FOXO3: variants seen among roughly 807,000 people sequenced by gnomAD.
The protein encoded by FOXO3 is forkhead box O3, also known as forkhead box protein O3.
Under a neutral mutation model 41.9 loss-of-function variants are expected in FOXO3, and 4 were observed. The ratio of observed to expected loss-of-function variants is 0.10; its 90% CI spans 0.05 to 0.22. The LOEUF is 0.22. Among genes scored for constraint, FOXO3 ranks in the 10% least tolerant of loss-of-function variants. The probability of loss-of-function intolerance (pLI) is 1.00; values close to 1 mark genes in which losing one functional copy is unlikely to be tolerated. For missense variants in FOXO3, 534 were observed against 906.8 expected (o/e 0.59, Z 5.28); for synonymous variants, 318 against 389.3 (o/e 0.82, Z 2.16).
At chr6:108,639,246 T>C (rs1778192955) in intron 1 of FOXO3, among the ~76,000 whole-genome samples, 1 of 152,160 alleles carries the variant, frequency 6.6e-6, no homozygotes, top group Non-Finnish European at 1.5e-5. Context: ...TAAATCCTGC[T>C]TCCTTTCATA....
chr6:108,594,164 C>G (rs1002993184), intron 1 of FOXO3, among the ~76,000 whole-genome samples: 8 of 152,132 alleles, frequency 5.3e-5, no homozygotes, highest in African/African-American at 1.7e-4. Context: ...TTCCCTCCCC[C>G]AAAAGTTGTG....
intron 1 of FOXO3, among the ~76,000 whole-genome samples, chr6:108,652,888 T>C (rs1174082564): frequency 1.3e-5 from 2 of 152,162 alleles, no homozygotes; most frequent in Non-Finnish European, 2.9e-5. Flanking sequence ...GGGGGCCCCA[T>C]GGCATCCCAT....
At chr6:108,648,933 G>A (rs1778467446) in intron 1 of FOXO3, among the ~76,000 whole-genome samples, 1 of 151,042 alleles carries the variant, frequency 6.6e-6, no homozygotes, top group Admixed American at 6.6e-5. Context: ...GGAGCTCAAG[G>A]CTGCAGTGAA....
At chr6:108,640,819 A>G (rs1778237434) in intron 1 of FOXO3, among the ~76,000 whole-genome samples, 1 of 152,212 alleles carries the variant, frequency 6.6e-6, no homozygotes, top group Non-Finnish European at 1.5e-5. Flanking sequence ...ATTCATTCAT[A>G]GTTCATTCAA....
At chr6:108,612,225 T>G (rs1490203889) in intron 1 of FOXO3, among the ~76,000 whole-genome samples, 1 of 152,234 alleles carries the variant, frequency 6.6e-6, no homozygotes, top group Admixed American at 6.5e-5. Context: ...TTGTAAATGA[T>G]ATTTTAAAAA....
intron 1 of FOXO3, among the ~76,000 whole-genome samples, chr6:108,607,883 A>G (rs1777251406): frequency 6.6e-6 from 1 of 152,190 alleles, no homozygotes; most frequent in Non-Finnish European, 1.5e-5. Flanking sequence ...CCCCCTGCCT[A>G]AAGGAGATCC....
intron 1 of FOXO3, among the ~76,000 whole-genome samples, chr6:108,569,285 C>T (rs1290276084): frequency 6.6e-6 from 1 of 152,206 alleles, no homozygotes; most frequent in Non-Finnish European, 1.5e-5. Context: ...GATGATAGAA[C>T]ACCCCAGTTC....
At chr6:108,638,307 C>T (rs1248346145) in intron 1 of FOXO3, among the ~76,000 whole-genome samples, 1 of 152,210 alleles carries the variant, frequency 6.6e-6, no homozygotes, top group East Asian at 1.9e-4. Flanking sequence ...TTTTCATTTG[C>T]TATGCCTATC....
At chr6:108,565,325 T>C (rs1326012605) in intron 1 of FOXO3, among the ~76,000 whole-genome samples, 1 of 152,194 alleles carries the variant, frequency 6.6e-6, no homozygotes, top group Non-Finnish European at 1.5e-5. Context: ...ACAGGTTCCC[T>C]TACCTCGGGC....
At chr6:108,642,241 A>G (rs994998192) in intron 1 of FOXO3, among the ~76,000 whole-genome samples, 4 of 152,078 alleles carry the variant, frequency 2.6e-5, no homozygotes, top group African/African-American at 4.8e-5. Context: ...GGCACGCATT[A>G]TCATGCTTGG....
rs768497208 is a variant in FOXO3 at position 108,592,835 on chromosome 6, C to T, written c.621+31006C>T. The stretch of plus-strand genomic sequence containing the variant: ...TCTGAGAAGCCATTGGTTGGGAGGG[C>T]GCTAAGAATGGTTGGTGCACGTGGT... On this transcript the variant is annotated intron_variant, in intron 1 of 2. Transcript: ENST00000406360. 4.6e-5 allele frequency among the ~76,000 whole-genome samples: 7 copies of T among 152,086 alleles called. 1 individual carries two copies. The highest frequency in any genetic ancestry group is 1.7e-4 in the African/African-American group (7 of 41,404).
intron 1 of FOXO3, among the ~76,000 whole-genome samples, chr6:108,604,785 G>A (rs1019745117): frequency 2.3e-4 from 35 of 151,800 alleles, no homozygotes; most frequent in African/African-American, 8.2e-4. Context: ...TTGAAGGATT[G>A]TCTAAGCTTA....
chr6:108,643,927 A>C (rs1778327500), intron 1 of FOXO3, among the ~76,000 whole-genome samples: 1 of 152,212 alleles, frequency 6.6e-6, no homozygotes, highest in South Asian at 2.1e-4. Flanking sequence ...TCTAGAATGT[A>C]CCATCCCCAA....
chr6:108,561,139 C>G lies in FOXO3; in HGVS notation c.-70C>G. 2.7e-6 allele frequency: 4 copies of G among 1,477,922 alleles called. No homozygotes were observed. The highest frequency in any genetic ancestry group is 2.7e-6 in the Non-Finnish European group (3 of 1,120,914). 91.6% of individuals were successfully genotyped at this position (1,477,922 alleles called of 1,614,324 possible). On this transcript the variant is annotated 5_prime_UTR_variant, in exon 1 of 3. Transcript: ENST00000406360. ...GCCTTCGCGGCGTCCACGTCCCTCC[C>G]CCGCTGCACCCCGCCCCGGCGCGAG...
chr6:108,571,698 G>A (rs930942785), intron 1 of FOXO3, among the ~76,000 whole-genome samples: 6 of 152,158 alleles, frequency 3.9e-5, no homozygotes, highest in African/African-American at 9.7e-5. Flanking sequence ...GCCTTCCCAG[G>A]GAGCATGGCT....
At chr6:108,597,735 G>A (rs1315013116) in intron 1 of FOXO3, among the ~76,000 whole-genome samples, 1 of 152,110 alleles carries the variant, frequency 6.6e-6, no homozygotes, top group Non-Finnish European at 1.5e-5. Context: ...CCTGTATGTG[G>A]CTGTGTCCAG....
intron 1 of FOXO3, among the ~76,000 whole-genome samples, chr6:108,579,078 G>A (rs185696333): frequency 3.5e-4 from 54 of 152,336 alleles, no homozygotes; most frequent in African/African-American, 1.3e-3. Flanking sequence ...GGATGTTCAT[G>A]TGAGGGTCTT....
intron 1 of FOXO3, among the ~76,000 whole-genome samples, chr6:108,580,182 C>CGTT (rs1776368788): frequency 1.3e-5 from 1 of 79,270 alleles, no homozygotes; most frequent in Non-Finnish European, 2.5e-5. Flanking sequence ...AGCTCTTCTT[C>CGTT]ATTTTTTTTT....
intron 1 of FOXO3, among the ~76,000 whole-genome samples, chr6:108,567,625 GT>G (rs1438344058): frequency 6.6e-6 from 1 of 152,228 alleles, no homozygotes; most frequent in Non-Finnish European, 1.5e-5. Flanking sequence ...TAACGGGTGT[GT>G]CCAGTCAGTG....
Sources: gnomAD v4.1 joint callset for allele counts (sites outside exome capture counted in the v4.1 genomes callset) on GRCh38, gnomAD v4.1.1 for gene constraint, MANE v1.5 for transcripts, NCBI Gene and HGNC (gene_info 2026-07-23, HGNC 2026-07-21) for gene names.